The following IL1RAPL1 variants were observed in gnomAD, a reference collection of about 807,000 sequenced individuals.
IL1RAPL1 encodes the protein interleukin-1 receptor accessory protein-like 1.
IL1RAPL1 carries 3 observed loss-of-function variants against 48.4 expected under a neutral mutation model. The observed-to-expected ratio is 0.06, with a 90% confidence interval of 0.03 to 0.16. The LOEUF (loss-of-function observed/expected upper bound fraction) is 0.16. IL1RAPL1 is among the 10% of genes least tolerant of loss of function. IL1RAPL1 has a pLI of 1.00. For synonymous variants in IL1RAPL1, 185 were observed against 187.7 expected (o/e 0.99, Z 0.12); for missense variants, 349 against 530.6 (o/e 0.66, Z 3.36).
In IL1RAPL1 at chrX:28,915,155, C is replaced by T. The variant is rs769740884; in HGVS notation, c.82+125730C>T. ...CACAGTTTACAATAGGGTTTGTGCTCCTGTGAGAATCTAATGCCACTGCTG... is the reference window on the plus strand; with the variant it reads ...CACAGTTTACAATAGGGTTTGTGCTTCTGTGAGAATCTAATGCCACTGCTG... On this transcript the variant is annotated intron_variant, in intron 2 of 10. Transcript: ENST00000378993. Among the ~76,000 whole-genome samples, 4 of 111,465 alleles carry T rather than the reference C, an allele frequency of 3.6e-5. No individual in the cohort carries two copies. In the East Asian group the frequency reaches 8.5e-4, roughly 24 times the overall value.
At chrX:28,782,350 C>A (rs1419913215) in intron 1 of IL1RAPL1, among the ~76,000 whole-genome samples, 1 of 111,428 alleles carries the variant, frequency 9.0e-6, no homozygotes, top group African/African-American at 3.2e-5. Flanking sequence ...ACATTTTATG[C>A]CAAAATTGAT....
chrX:29,742,245 A>G (rs1189271440), intron 6 of IL1RAPL1, among the ~76,000 whole-genome samples: 2 of 111,993 alleles, frequency 1.8e-5, no homozygotes, highest in African/African-American at 6.5e-5. Flanking sequence ...TGACCGTTCT[A>G]TTTGATGTTT....
chrX:29,795,739 A>G (rs1198972658), intron 6 of IL1RAPL1, among the ~76,000 whole-genome samples: 2 of 112,974 alleles, frequency 1.8e-5, no homozygotes, highest in African/African-American at 6.4e-5. Context: ...TGTTGACTGC[A>G]TATAACTTTT....
In IL1RAPL1 at chrX:28,820,013, T is replaced by TAC. The variant is rs1298211988; in HGVS notation, c.82+30590_82+30591dup. 4.5e-4 allele frequency among the ~76,000 whole-genome samples: 30 copies of TAC among 67,374 alleles called. No homozygotes were observed. The Admixed American group carries it at 4.8e-3, about 11-fold the overall frequency. 58.5% of individuals were successfully genotyped at this position (67,374 alleles called of 115,157 possible). ...ATATATATATATATATATATATATA[T>TAC]ACATGTACTGTATCTACAAATGAAA... On this transcript the variant is annotated intron_variant, in intron 2 of 10. Transcript: ENST00000378993.
At chrX:29,848,690 C>T (rs1007983933) in intron 6 of IL1RAPL1, among the ~76,000 whole-genome samples, 1 of 111,726 alleles carries the variant, frequency 9.0e-6, no homozygotes, top group Non-Finnish European at 1.9e-5. Flanking sequence ...TGATGGAATG[C>T]AGACTGGACT....
chrX:29,570,316 CAAAT>C (rs1569341175), intron 5 of IL1RAPL1, among the ~76,000 whole-genome samples: 5 of 112,049 alleles, frequency 4.5e-5, no homozygotes, highest in Admixed American at 1.9e-4. Context: ...ATTTAAATGA[CAAAT>C]AAAACATTGG....
chrX:29,588,525 C>T (rs941737579), intron 5 of IL1RAPL1, among the ~76,000 whole-genome samples: 1 of 112,267 alleles, frequency 8.9e-6, no homozygotes, highest in African/African-American at 3.2e-5. Flanking sequence ...TTGTCATCAT[C>T]AGTGGTATGT....
intron 2 of IL1RAPL1, among the ~76,000 whole-genome samples, chrX:29,101,525 C>T (rs1264918700): frequency 1.8e-5 from 2 of 111,515 alleles, no homozygotes; most frequent in Admixed American, 9.5e-5. Context: ...ACCCTGACAC[C>T]GAAACCAGAC....
chrX:29,054,066 C>T (rs993442613), intron 2 of IL1RAPL1, among the ~76,000 whole-genome samples: 3 of 111,097 alleles, frequency 2.7e-5, no homozygotes, highest in African/African-American at 6.6e-5. Flanking sequence ...TGTTAATGGA[C>T]GCTAATGTTG....
chrX:29,398,674 G>A (rs1346801629), intron 4 of IL1RAPL1, among the ~76,000 whole-genome samples: 2 of 111,531 alleles, frequency 1.8e-5, no homozygotes, highest in Non-Finnish European at 3.8e-5. Context: ...ATCATTGAAC[G>A]GTGCAATCTT....
At chrX:29,274,433 G>A (rs1379658953) in intron 2 of IL1RAPL1, among the ~76,000 whole-genome samples, 2 of 112,166 alleles carry the variant, frequency 1.8e-5, no homozygotes, top group South Asian at 3.7e-4. Flanking sequence ...TTCACTTGGC[G>A]GAGCAGTACA....
At chrX:29,541,476 C>T (rs991863695) in intron 5 of IL1RAPL1, among the ~76,000 whole-genome samples, 2 of 111,662 alleles carry the variant, frequency 1.8e-5, no homozygotes, top group African/African-American at 6.5e-5. Flanking sequence ...AAGTCATATG[C>T]ACCCACATGT....
chrX:29,403,368 T>C (rs766521476), intron 5 of IL1RAPL1, among the ~76,000 whole-genome samples: 22 of 111,075 alleles, frequency 2.0e-4, no homozygotes, highest in African/African-American at 7.2e-4. Context: ...TGTGTGTATG[T>C]ATGTTTGAGT....
chrX:29,564,911 G>A (rs1196090148), intron 5 of IL1RAPL1, among the ~76,000 whole-genome samples: 1 of 111,951 alleles, frequency 8.9e-6, no homozygotes, highest in Non-Finnish European at 1.9e-5. Context: ...CAGGAAACAC[G>A]TTTCTTTGCC....
At chrX:28,632,042 G>A (rs973671754) in intron 1 of IL1RAPL1, among the ~76,000 whole-genome samples, 1 of 112,250 alleles carries the variant, frequency 8.9e-6, no homozygotes, top group African/African-American at 3.2e-5. Flanking sequence ...AAAATGCCAG[G>A]CATATGGTAT....
chrX:29,143,183 TA>T (rs1457082357), intron 2 of IL1RAPL1, among the ~76,000 whole-genome samples: 1 of 111,405 alleles, frequency 9.0e-6, no homozygotes, highest in Non-Finnish European at 1.9e-5. Flanking sequence ...GGAGACAATT[TA>T]TTTTTTTTAT....
chrX:28,945,878 T>C (rs1924285484), intron 2 of IL1RAPL1, among the ~76,000 whole-genome samples: 1 of 83,571 alleles, frequency 1.2e-5, no homozygotes, highest in South Asian at 7.7e-4. Context: ...TTTACTGTTA[T>C]ATATGTATGT....
At chrX:29,883,706 C>A (rs1932075430) in intron 6 of IL1RAPL1, among the ~76,000 whole-genome samples, 1 of 111,382 alleles carries the variant, frequency 9.0e-6, no homozygotes, top group African/African-American at 3.3e-5. Flanking sequence ...GATTTTCCAG[C>A]CTTTTATGAA....
At chrX:29,407,989 C>T (rs1377486752) in intron 5 of IL1RAPL1, among the ~76,000 whole-genome samples, 1 of 111,834 alleles carries the variant, frequency 8.9e-6, no homozygotes, top group Non-Finnish European at 1.9e-5. Flanking sequence ...TATTGATATA[C>T]ATTGCCATAT....
Sources: gnomAD v4.1 joint callset for allele counts (sites outside exome capture counted in the v4.1 genomes callset) on GRCh38, gnomAD v4.1.1 for gene constraint, MANE v1.5 for transcripts, NCBI Gene and HGNC (gene_info 2026-07-23, HGNC 2026-07-21) for gene names.